MAST4: variants seen among roughly 807,000 people sequenced by gnomAD.
The protein encoded by MAST4 is microtubule associated serine/threonine kinase family member 4, also known as microtubule-associated serine/threonine-protein kinase 4.
Under a neutral mutation model 162.7 loss-of-function variants are expected in MAST4, and 89 were observed. The observed-to-expected ratio is 0.55, with a 90% confidence interval of 0.46 to 0.65. The LOEUF (loss-of-function observed/expected upper bound fraction) is 0.65. Ranked by LOEUF, MAST4 falls within the 30% of genes least tolerant of loss-of-function variation. The pLI is 0.00. For missense variants in MAST4, 3,153 were observed against 3,374.0 expected, an observed-to-expected ratio of 0.93 and a Z score of 1.62; for synonymous variants, 1,479 against 1,361.1, an observed-to-expected ratio of 1.09 and a Z score of -1.91.
chr5:67,060,642 T>C (rs961394428), intron 5 of MAST4, among the ~76,000 whole-genome samples: 5 of 152,134 alleles, frequency 3.3e-5, no homozygotes, highest in South Asian at 2.1e-4. Flanking sequence ...CACGCCTGGC[T>C]AATTTTTTGT....
intron 27 of MAST4, 40 bp downstream of exon 27, chr5:67,160,632 C>G (rs6861098): frequency 3.8e-6 from 6 of 1,582,418 alleles, no homozygotes; most frequent in Middle Eastern, 3.4e-4. Context: ...TGGTGTATAC[C>G]TATGTTGGGG....
chr5:66,823,875 CTA>C (rs1275546990), intron 3 of MAST4, among the ~76,000 whole-genome samples: 3 of 152,150 alleles, frequency 2.0e-5, no homozygotes, highest in African/African-American at 4.8e-5. Flanking sequence ...AATGTAGACA[CTA>C]ATCTCACAGC....
At chr5:66,931,334 C>T (rs1280785270) in intron 4 of MAST4, among the ~76,000 whole-genome samples, 1 of 151,932 alleles carries the variant, frequency 6.6e-6, no homozygotes, top group African/African-American at 2.4e-5. Flanking sequence ...CCTGTTTTTC[C>T]CTCAAGCTAT....
Position 66,916,093 on chromosome 5 carries a change from A to G in MAST4, c.674+16111A>G, listed in dbSNP as rs759232704. On this transcript the variant is annotated intron_variant, in intron 4 of 28. Transcript: ENST00000403625. ...TATCTCATTAGTAATTCTTATGTTA[A>G]TAGCATGCTGAAATGATAGTATTTG... Among the ~76,000 whole-genome samples, 23 of 152,382 alleles carry G rather than the reference A, an allele frequency of 1.5e-4. No individual in the cohort carries two copies. In the Middle Eastern group the frequency reaches 0.01, roughly 68 times the overall value.
At chr5:66,818,102 A>C (rs1340154930) in intron 3 of MAST4, among the ~76,000 whole-genome samples, 2 of 152,232 alleles carry the variant, frequency 1.3e-5, no homozygotes, top group Non-Finnish European at 2.9e-5. Context: ...TCCTGTATAC[A>C]TAAGAGTGCA....
intron 4 of MAST4, among the ~76,000 whole-genome samples, chr5:67,013,849 C>T (rs571436508): frequency 6.6e-5 from 10 of 152,156 alleles, no homozygotes; most frequent in South Asian, 2.1e-4. Context: ...ATAAAGCACT[C>T]GAGGAAATAT....
At chr5:66,742,028 G>A (rs534657814) in intron 1 of MAST4, among the ~76,000 whole-genome samples, 95 of 152,302 alleles carry the variant, frequency 6.2e-4, no homozygotes, top group African/African-American at 2.0e-3. Context: ...CTCCCAGAGC[G>A]GAGTGCTGTG....
chr5:67,104,695 A>AT, intron 10 of MAST4, 120 bp downstream of exon 10: 2 of 638,740 alleles, frequency 3.1e-6, no homozygotes, highest in South Asian at 2.1e-5. Flanking sequence ...GCAAAAAAGA[A>AT]GGAAAAAAAA....
chr5:67,024,472 TATATAGATATATAC>T, intron 4 of MAST4, among the ~76,000 whole-genome samples: 1 of 150,950 alleles, frequency 6.6e-6, no homozygotes, highest in Non-Finnish European at 1.5e-5. Context: ...GGGGTGTGTA[TATATAGATATATAC>T]ATATCTATAT....
At chr5:66,765,076 T>C (rs1220922500) in intron 2 of MAST4, among the ~76,000 whole-genome samples, 3 of 152,086 alleles carry the variant, frequency 2.0e-5, no homozygotes, top group African/African-American at 7.2e-5. Context: ...TTAGGTGCAG[T>C]TGCATGCTAT....
At chr5:67,111,492 A>C (rs1386624394) in intron 11 of MAST4, among the ~76,000 whole-genome samples, 2 of 152,024 alleles carry the variant, frequency 1.3e-5, no homozygotes, top group African/African-American at 2.4e-5. Context: ...GAATCATAGA[A>C]TCAAACACAC....
At chr5:67,005,115 G>T (rs766507931) in intron 4 of MAST4, 2 of 733,566 alleles carry the variant, frequency 2.7e-6, no homozygotes, top group South Asian at 2.9e-5. Context: ...TGCCTGGAGA[G>T]GGAATGCTTT....
At chr5:66,734,791 GCA>G (rs1299806784) in intron 1 of MAST4, among the ~76,000 whole-genome samples, 3 of 152,210 alleles carry the variant, frequency 2.0e-5, no homozygotes, top group Non-Finnish European at 2.9e-5. Flanking sequence ...GTATTGGACG[GCA>G]CAGTGTTGGA....
chr5:67,111,939 A>G (rs10940091), intron 11 of MAST4, among the ~76,000 whole-genome samples: 1 of 151,934 alleles, frequency 6.6e-6, no homozygotes, highest in Non-Finnish European at 1.5e-5. Context: ...CCAACCTATC[A>G]CCTTATCCTT....
chr5:66,948,795 T>C (rs1313898867), intron 4 of MAST4, among the ~76,000 whole-genome samples: 1 of 152,174 alleles, frequency 6.6e-6, no homozygotes, highest in Non-Finnish European at 1.5e-5. Flanking sequence ...CTTTTAGTAA[T>C]CTTTTTTAGC....
At chr5:66,887,935 G>A (rs1241562565) in intron 3 of MAST4, among the ~76,000 whole-genome samples, 3 of 152,136 alleles carry the variant, frequency 2.0e-5, no homozygotes, top group East Asian at 1.9e-4. Context: ...TGGGCTGGGC[G>A]CGGTGGCTCA....
chr5:67,119,620 T>A (rs1767338249), intron 13 of MAST4, among the ~76,000 whole-genome samples: 1 of 152,198 alleles, frequency 6.6e-6, no homozygotes, highest in African/African-American at 2.4e-5. Flanking sequence ...CAGTATCACA[T>A]AGTAAGTGCT....
chr5:66,869,195 TA>T (rs1484739294), intron 3 of MAST4, among the ~76,000 whole-genome samples: 2 of 152,286 alleles, frequency 1.3e-5, no homozygotes, highest in South Asian at 4.1e-4. Flanking sequence ...TAACTTCTTT[TA>T]GGGGGAAAAA....
chr5:67,062,390 G>A (rs977689905), intron 5 of MAST4, among the ~76,000 whole-genome samples: 1 of 151,744 alleles, frequency 6.6e-6, no homozygotes, highest in African/African-American at 2.4e-5. Flanking sequence ...AGAGCAAGAT[G>A]GTCCCCAAAA....
Sources: gnomAD v4.1 joint callset for allele counts (sites outside exome capture counted in the v4.1 genomes callset) on GRCh38, gnomAD v4.1.1 for gene constraint, MANE v1.5 for transcripts, NCBI Gene and HGNC (gene_info 2026-07-23, HGNC 2026-07-21) for gene names.